Variants in SLC24A2 observed in about 807,000 individuals in gnomAD.
The protein encoded by SLC24A2 is solute carrier family 24 member 2.
A neutral mutation model predicts 62.0 loss-of-function variants in SLC24A2; 36 were observed. That is an observed-to-expected ratio of 0.58 (90% CI 0.44 to 0.77). The LOEUF is 0.77. Ranked by LOEUF, SLC24A2 falls within the 30% of genes least tolerant of loss-of-function variation. SLC24A2 has a pLI of 0.00. For missense variants in SLC24A2, 846 were observed against 817.9 expected, an observed-to-expected ratio of 1.03 and a Z score of -0.42; for synonymous variants, 358 against 294.0, an observed-to-expected ratio of 1.22 and a Z score of -2.23.
the SLC24A2 span, among the ~76,000 whole-genome samples, chr9:20,135,386 T>TTTTCATTTTTAATTACAATTTAAAAG: frequency 8.7e-6 from 1 of 115,032 alleles, no homozygotes; most frequent in African/African-American, 3.5e-5. Context: ...CAATTTAAAA[T>TTTTCATTTTTAATTACAATTTAAAAG]TTTCATTTTT....
intron 4 of SLC24A2, among the ~76,000 whole-genome samples, chr9:19,602,033 C>A (rs540104846): frequency 6.6e-6 from 1 of 152,144 alleles, no homozygotes; most frequent in Non-Finnish European, 1.5e-5. Flanking sequence ...TATCAAGAGA[C>A]CTTATCATTA....
At chr9:20,218,408 T>C in the SLC24A2 span, among the ~76,000 whole-genome samples, 1 of 152,114 alleles carries the variant, frequency 6.6e-6, no homozygotes, top group Non-Finnish European at 1.5e-5. Context: ...TCTGGCTCCA[T>C]AAAACACTTT....
At chr9:20,001,775 T>G in the SLC24A2 span, among the ~76,000 whole-genome samples, 1,741 of 152,260 alleles carry the variant, frequency 0.011, 24 homozygotes, top group African/African-American at 0.039. Context: ...TGGTTAAAGG[T>G]TGCCTCTCCC....
intron 7 of SLC24A2, among the ~76,000 whole-genome samples, chr9:19,572,041 G>A (rs1006836564): frequency 3.3e-5 from 5 of 151,962 alleles, no homozygotes; most frequent in Admixed American, 6.6e-5. Context: ...AGGCCAAGGC[G>A]AGTGGATCAC....
chr9:20,239,370 T>C, the SLC24A2 span, among the ~76,000 whole-genome samples: 1 of 152,262 alleles, frequency 6.6e-6, no homozygotes, highest in African/African-American at 2.4e-5. Context: ...TTTCATCCTG[T>C]ATTTTTACTT....
the SLC24A2 span, among the ~76,000 whole-genome samples, chr9:20,177,764 T>G: frequency 2.0e-5 from 3 of 151,966 alleles, no homozygotes; most frequent in Admixed American, 6.6e-5. Context: ...CTATTGAGAG[T>G]TGACTATACC....
the SLC24A2 span, among the ~76,000 whole-genome samples, chr9:20,016,283 G>A: frequency 6.6e-6 from 1 of 152,122 alleles, no homozygotes; most frequent in Non-Finnish European, 1.5e-5. Context: ...GGAAAAACAT[G>A]AAAATGTAAT....
chr9:19,710,298 G>A (rs940150507), intron 2 of SLC24A2, among the ~76,000 whole-genome samples: 1 of 152,104 alleles, frequency 6.6e-6, no homozygotes, highest in African/African-American at 2.4e-5. Flanking sequence ...ATGCTTTCAG[G>A]TAAGGGGACA....
At chr9:19,907,065 C>A in the SLC24A2 span, among the ~76,000 whole-genome samples, 1 of 152,120 alleles carries the variant, frequency 6.6e-6, no homozygotes, top group South Asian at 2.1e-4. Context: ...AACATCGATG[C>A]AAAAATCCTC....
At chr9:20,068,310 C>T in the SLC24A2 span, among the ~76,000 whole-genome samples, 4 of 152,076 alleles carry the variant, frequency 2.6e-5, no homozygotes, top group African/African-American at 9.7e-5. Context: ...AATCCACCTG[C>T]CTTGGCCTCC....
chr9:20,184,643 T>C, the SLC24A2 span, among the ~76,000 whole-genome samples: 4 of 152,154 alleles, frequency 2.6e-5, no homozygotes, highest in Non-Finnish European at 4.4e-5. Context: ...AGCCCTTGCA[T>C]AGGCTGATGG....
chr9:19,972,403 T>G, the SLC24A2 span, among the ~76,000 whole-genome samples: 1 of 152,214 alleles, frequency 6.6e-6, no homozygotes, highest in Non-Finnish European at 1.5e-5. Context: ...GAGGTGGTAC[T>G]TCCTTATGTT....
At chr9:20,019,991 T>C in the SLC24A2 span, among the ~76,000 whole-genome samples, 59,642 of 151,964 alleles carry the variant, frequency 0.39, 12,926 homozygotes, top group Non-Finnish European at 0.5. Flanking sequence ...CACTGGTCAT[T>C]AGAGAAATGC....
chr9:20,104,774 G>A, the SLC24A2 span, among the ~76,000 whole-genome samples: 5 of 152,278 alleles, frequency 3.3e-5, no homozygotes, highest in Admixed American at 1.3e-4. Flanking sequence ...ATCAAGGCTA[G>A]GAAGAAACTG....
chr9:19,888,788 C>T, the SLC24A2 span, among the ~76,000 whole-genome samples: 1 of 152,048 alleles, frequency 6.6e-6, no homozygotes, highest in Non-Finnish European at 1.5e-5. Context: ...ACTGAGAAGG[C>T]AGTTGGGAAG....
intron 2 of SLC24A2, among the ~76,000 whole-genome samples, chr9:19,763,038 C>G (rs2118860937): frequency 6.6e-6 from 1 of 152,176 alleles, no homozygotes; most frequent in East Asian, 1.9e-4. Context: ...TCCTTCACAT[C>G]CCTTGTAAGT....
the SLC24A2 span, among the ~76,000 whole-genome samples, chr9:19,818,600 A>G: frequency 6.6e-6 from 1 of 152,092 alleles, no homozygotes; most frequent in African/African-American, 2.4e-5. Flanking sequence ...AACCCCTTTT[A>G]TAGTAGTTGC....
chr9:19,706,386 T>G lies in SLC24A2; in HGVS notation c.930+79551A>C, dbSNP rs867759145. ...CACTGATGGGTCTTGAATCTTTTTT[T>G]TTTTTTTTTTTGAGACGGAGTTTCG... On this transcript the variant is annotated intron_variant, in intron 2 of 10. Transcript: ENST00000341998. Among the ~76,000 whole-genome samples the G allele has an allele frequency of 6.6e-5, 10 of 150,562 alleles. No homozygotes were observed. The South Asian group carries it at 1.9e-3, about 29-fold the overall frequency.
intron 5 of SLC24A2, among the ~76,000 whole-genome samples, chr9:19,581,955 C>T (rs1267405252): frequency 6.6e-6 from 1 of 152,140 alleles, no homozygotes; most frequent in Non-Finnish European, 1.5e-5. Flanking sequence ...TTTTACATAG[C>T]TACAGATATT....
Sources: gnomAD v4.1 joint callset for allele counts (sites outside exome capture counted in the v4.1 genomes callset) on GRCh38, gnomAD v4.1.1 for gene constraint, MANE v1.5 for transcripts, NCBI Gene and HGNC (gene_info 2026-07-23, HGNC 2026-07-21) for gene names.